Variants in UBAC2 observed in about 807,000 individuals in gnomAD.
UBAC2 encodes the protein ubiquitin-associated domain-containing protein 2.
In UBAC2, 26 loss-of-function variants were observed where a neutral mutation model predicts 44.0. The ratio of observed to expected loss-of-function variants is 0.59; its 90% confidence interval spans 0.43 to 0.82. The LOEUF (loss-of-function observed/expected upper bound fraction) is 0.82, where lower values mean the gene tolerates loss of function less well. UBAC2 is among the 40% of genes least tolerant of loss of function. The pLI is 0.00. For missense variants in UBAC2, 329 were observed against 419.4 expected (o/e 0.78, Z 1.88); for synonymous variants, 155 against 154.3 (o/e 1.00, Z -0.04).
At chr13:99,240,079 G>A (rs1355185914) in intron 2 of UBAC2, among the ~76,000 whole-genome samples, 2 of 152,150 alleles carry the variant, frequency 1.3e-5, no homozygotes, top group African/African-American at 4.8e-5. Context: ...GCAAACCCAG[G>A]CTTAGATTGG....
chr13:99,209,046 C>G (rs1298307823), intron 1 of UBAC2, among the ~76,000 whole-genome samples: 1 of 152,226 alleles, frequency 6.6e-6, no homozygotes, highest in Admixed American at 6.5e-5. Flanking sequence ...TGCTGGCTCT[C>G]GCGCACAGCC....
rs1407660462 is a variant in UBAC2, at chr13:99,259,992, T to C, written c.389+15368T>C. On this transcript the variant is annotated intron_variant, in intron 4 of 8. Transcript: ENST00000403766. The stretch of plus-strand genomic sequence containing the variant: ...TCAGGTTGGGGTGAGCTCTCACTTT[T>C]TCCTCATCTTGCTCTCCATTCCAGC... Among the ~76,000 whole-genome samples the C allele has an allele frequency of 3.3e-5, 5 of 152,218 alleles. No individual in the cohort carries two copies. In the East Asian group the frequency reaches 9.6e-4, roughly 29 times the overall value.
rs148245410 is a variant in UBAC2 at position 99,272,785 on chromosome 13, T to C, written c.389+28161T>C. On this transcript the variant is annotated intron_variant, in intron 4 of 8. Transcript: ENST00000403766. The stretch of plus-strand genomic sequence containing the variant: ...GGTCCTACCTCCAAATACCACCACA[T>C]TGGGGGCTAGTGCTTCAACATATGA... Among the ~76,000 whole-genome samples, 369 of 152,154 alleles carry C rather than the reference T, an allele frequency of 2.4e-3. 1 individual carries two copies. The highest frequency in any genetic ancestry group is 7.2e-3 in the African/African-American group (297 of 41,520).
At chr13:99,283,393 G>A (rs994064877) in intron 4 of UBAC2, among the ~76,000 whole-genome samples, 6 of 152,104 alleles carry the variant, frequency 3.9e-5, no homozygotes, top group Non-Finnish European at 5.9e-5. Flanking sequence ...TTAACATTAC[G>A]CATTCCATTT....
intron 4 of UBAC2, among the ~76,000 whole-genome samples, chr13:99,282,665 T>A (rs907504667): frequency 6.6e-6 from 1 of 152,222 alleles, no homozygotes; most frequent in East Asian, 1.9e-4. Context: ...GGAGATACTT[T>A]AATAGTGAAG....
chr13:99,275,602 CCT>C (rs1355823566), intron 4 of UBAC2, among the ~76,000 whole-genome samples: 1 of 151,388 alleles, frequency 6.6e-6, no homozygotes, highest in Non-Finnish European at 1.5e-5. Context: ...ATTTTTTATC[CCT>C]CTCATATTGA....
chr13:99,217,032 T>C (rs1322458499), intron 1 of UBAC2, among the ~76,000 whole-genome samples: 1 of 152,108 alleles, frequency 6.6e-6, no homozygotes, highest in African/African-American at 2.4e-5. Flanking sequence ...GGTTTCACCA[T>C]GTTGGCCAGG....
At chr13:99,283,372 A>G (rs1310307063) in intron 4 of UBAC2, among the ~76,000 whole-genome samples, 1 of 152,212 alleles carries the variant, frequency 6.6e-6, no homozygotes, top group East Asian at 1.9e-4. Context: ...ATGGAGTAAC[A>G]TTATGAAATG....
At chr13:99,236,840 ACT>A (rs911586576) in intron 1 of UBAC2, among the ~76,000 whole-genome samples, 23 of 151,902 alleles carry the variant, frequency 1.5e-4, no homozygotes, top group African/African-American at 5.6e-4. Context: ...AAAGAGCAAA[ACT>A]CTGTCTCAAA....
At chr13:99,217,703 G>A (rs1035719752) in intron 1 of UBAC2, among the ~76,000 whole-genome samples, 4 of 152,236 alleles carry the variant, frequency 2.6e-5, no homozygotes, top group African/African-American at 9.6e-5. Flanking sequence ...TTTGGTCTCT[G>A]TGGAGGTTGT....
At chr13:99,208,392 T>C (rs1378558035) in intron 1 of UBAC2, among the ~76,000 whole-genome samples, 1 of 152,226 alleles carries the variant, frequency 6.6e-6, no homozygotes, top group Non-Finnish European at 1.5e-5. Context: ...TTTAATTAAC[T>C]GATTCAGCAG....
intron 2 of UBAC2, among the ~76,000 whole-genome samples, chr13:99,242,028 A>G (rs1396640035): frequency 6.6e-6 from 1 of 151,158 alleles, no homozygotes; most frequent in Non-Finnish European, 1.5e-5. Context: ...GACACAGCAC[A>G]TGTTTCAGAG....
At chr13:99,369,642 A>G (rs1041427989) in intron 8 of UBAC2, among the ~76,000 whole-genome samples, 1 of 152,228 alleles carries the variant, frequency 6.6e-6, no homozygotes, top group African/African-American at 2.4e-5. Context: ...ACTTAACTCC[A>G]TCGTAGGTTG....
At chr13:99,233,128 T>C (rs957040958) in intron 1 of UBAC2, among the ~76,000 whole-genome samples, 1 of 151,796 alleles carries the variant, frequency 6.6e-6, no homozygotes, top group African/African-American at 2.4e-5. Context: ...TTTTTTTTTT[T>C]CTGAGACGAA....
intron 2 of UBAC2, among the ~76,000 whole-genome samples, chr13:99,243,369 G>C (rs1023261859): frequency 4.0e-5 from 6 of 149,702 alleles, no homozygotes; most frequent in African/African-American, 7.4e-5. Context: ...AAATTACTTT[G>C]CATAGTTGCT....
intron 6 of UBAC2, among the ~76,000 whole-genome samples, chr13:99,335,242 T>G (rs899397705): frequency 5.3e-5 from 8 of 152,250 alleles, no homozygotes; most frequent in Non-Finnish European, 1.0e-4. Flanking sequence ...GTACTACATT[T>G]TTAATATTTT....
At chr13:99,304,693 C>A (rs2138741235) in intron 4 of UBAC2, among the ~76,000 whole-genome samples, 1 of 152,234 alleles carries the variant, frequency 6.6e-6, no homozygotes, top group South Asian at 2.1e-4. Context: ...CTCATTGAAT[C>A]CTCTCAGAAC....
chr13:99,356,695 T>A (rs2045189572), intron 7 of UBAC2, among the ~76,000 whole-genome samples: 1 of 152,234 alleles, frequency 6.6e-6, no homozygotes. Flanking sequence ...TACACTGTTT[T>A]TATAGCACGA....
At chr13:99,339,806 C>A (rs1236509252) in intron 6 of UBAC2, among the ~76,000 whole-genome samples, 1 of 152,138 alleles carries the variant, frequency 6.6e-6, no homozygotes, top group African/African-American at 2.4e-5. Flanking sequence ...CTAGAAAAAT[C>A]AGTAGTTGAA....
Sources: gnomAD v4.1 joint callset for allele counts (sites outside exome capture counted in the v4.1 genomes callset) on GRCh38, gnomAD v4.1.1 for gene constraint, MANE v1.5 for transcripts, NCBI Gene and HGNC (gene_info 2026-07-23, HGNC 2026-07-21) for gene names.